The following OSBPL10 variants were observed in gnomAD, a reference collection of about 807,000 sequenced individuals.
The protein encoded by OSBPL10 is oxysterol-binding protein-related protein 10.
OSBPL10 carries 49 observed loss-of-function variants against 81.7 expected under a neutral mutation model. The ratio of observed to expected loss-of-function variants is 0.60; its 90% CI spans 0.48 to 0.76. The LOEUF is 0.76. Ranked by LOEUF, OSBPL10 falls within the 30% of genes least tolerant of loss-of-function variation. The pLI, the probability that OSBPL10 is intolerant of heterozygous loss-of-function variation, is 0.00. For missense variants in OSBPL10, 923 were observed against 987.8 expected (o/e 0.93, Z 0.88); for synonymous variants, 419 against 383.6 (o/e 1.09, Z -1.08).
At chr3:31,950,043 G>C (rs951497992) in intron 1 of OSBPL10, among the ~76,000 whole-genome samples, 1 of 152,154 alleles carries the variant, frequency 6.6e-6, no homozygotes, top group Admixed American at 6.5e-5. Context: ...TTAGCTTCCA[G>C]GGTATCCGAA....
intron 2 of OSBPL10, chr3:31,989,297 A>C: frequency 6.2e-7 from 1 of 1,614,208 alleles, no homozygotes; most frequent in South Asian, 1.1e-5. Context: ...ATGATGAAGA[A>C]GTTCTCATCA....
chr3:32,069,936 A>G (rs1388968564), intron 1 of OSBPL10, among the ~76,000 whole-genome samples: 2 of 152,172 alleles, frequency 1.3e-5, no homozygotes, highest in African/African-American at 4.8e-5. Flanking sequence ...TTCCTAAGAC[A>G]TGCCCTGTCT....
At chr3:32,016,906 C>A (rs1189482029) in intron 2 of OSBPL10, among the ~76,000 whole-genome samples, 1 of 152,164 alleles carries the variant, frequency 6.6e-6, no homozygotes, top group African/African-American at 2.4e-5. Flanking sequence ...TATGTAAAGA[C>A]CTGGCACCCA....
At chr3:32,003,458 T>C (rs1314426360) in intron 2 of OSBPL10, among the ~76,000 whole-genome samples, 1 of 152,178 alleles carries the variant, frequency 6.6e-6, no homozygotes, top group African/African-American at 2.4e-5. Flanking sequence ...CCATCCTGTT[T>C]CCTGAGGACA....
At chr3:32,072,473 G>A (rs970883470) in intron 1 of OSBPL10, among the ~76,000 whole-genome samples, 1 of 152,080 alleles carries the variant, frequency 6.6e-6, no homozygotes, top group African/African-American at 2.4e-5. Context: ...AATTGTTCTT[G>A]GACCAAGGAA....
intron 5 of OSBPL10, among the ~76,000 whole-genome samples, chr3:31,740,865 A>ATATATATATATATG (rs1002507933): frequency 6.6e-6 from 1 of 150,414 alleles, no homozygotes; most frequent in Non-Finnish European, 1.5e-5. Flanking sequence ...ATTTATATAT[A>ATATATATATATATG]TATGTCATAT....
chr3:31,669,685 T>G (rs1007535944), intron 9 of OSBPL10, among the ~76,000 whole-genome samples: 10 of 152,290 alleles, frequency 6.6e-5, no homozygotes, highest in African/African-American at 2.2e-4. Flanking sequence ...GAAAGCAGAC[T>G]CCCAGCTCCC....
intron 4 of OSBPL10, among the ~76,000 whole-genome samples, chr3:31,783,398 G>A (rs149463131): frequency 1.3e-3 from 192 of 151,936 alleles, no homozygotes; most frequent in African/African-American, 4.3e-3. Context: ...TACACATTGG[G>A]TACAGTGTGC....
At chr3:31,916,553 C>A (rs1176850229) in intron 1 of OSBPL10, among the ~76,000 whole-genome samples, 2 of 152,152 alleles carry the variant, frequency 1.3e-5, no homozygotes, top group East Asian at 3.9e-4. Context: ...GACTCTTAGT[C>A]TTTTATCACC....
chr3:31,864,649 AG>A (rs1254031838), intron 3 of OSBPL10, among the ~76,000 whole-genome samples: 2 of 152,084 alleles, frequency 1.3e-5, no homozygotes, highest in African/African-American at 4.8e-5. Context: ...GGAAGCATGG[AG>A]GTGTGCAGGG....
intron 8 of OSBPL10, among the ~76,000 whole-genome samples, chr3:31,683,011 C>CA (rs1038311214): frequency 1.8e-4 from 28 of 151,650 alleles, no homozygotes; most frequent in Middle Eastern, 6.8e-3. Flanking sequence ...ATTTGTGACT[C>CA]AAAAAAAAGT....
chr3:31,905,749 G>A (rs967314505), intron 1 of OSBPL10, among the ~76,000 whole-genome samples: 2 of 151,548 alleles, frequency 1.3e-5, no homozygotes, highest in African/African-American at 2.4e-5. Context: ...CATTGACTAT[G>A]ATATTATTCA....
intron 1 of OSBPL10, among the ~76,000 whole-genome samples, chr3:31,894,572 T>C (rs1366186155): frequency 6.6e-6 from 1 of 152,224 alleles, no homozygotes; most frequent in African/African-American, 2.4e-5. Context: ...TTGTTGTTGA[T>C]GCAGCAAGCC....
intron 2 of OSBPL10, among the ~76,000 whole-genome samples, chr3:32,017,613 T>C (rs7652853): frequency 0.03 from 4,575 of 152,264 alleles, 244 homozygotes; most frequent in African/African-American, 0.11. Context: ...CTGTGCTTAG[T>C]AGACTGCACA....
intron 1 of OSBPL10, among the ~76,000 whole-genome samples, chr3:31,902,308 G>A (rs1696270457): frequency 6.9e-6 from 1 of 145,502 alleles, no homozygotes; most frequent in Non-Finnish European, 1.5e-5. Context: ...TGTCGCCCAG[G>A]CTGAAGCGCA....
At chr3:31,870,443 C>A in intron 3 of OSBPL10, among the ~76,000 whole-genome samples, 1 of 152,236 alleles carries the variant, frequency 6.6e-6, no homozygotes, top group Non-Finnish European at 1.5e-5. Context: ...CCGACGAGCG[C>A]CGCCCCCTAC....
At chr3:31,825,399 G>T (rs376685580) in intron 4 of OSBPL10, among the ~76,000 whole-genome samples, 4 of 152,048 alleles carry the variant, frequency 2.6e-5, no homozygotes, top group African/African-American at 9.7e-5. Flanking sequence ...GTTGCTCATT[G>T]CAACTTCAAA....
intron 1 of OSBPL10, among the ~76,000 whole-genome samples, chr3:31,921,808 A>G (rs2125707156): frequency 6.6e-6 from 1 of 152,312 alleles, no homozygotes; most frequent in South Asian, 2.1e-4. Flanking sequence ...CAGGGGAAAA[A>G]CCTGAAATAT....
In OSBPL10 at chr3:31,702,286, G is replaced by A. The variant is rs549393905; in HGVS notation, c.1245+73C>T. Reference sequence around the variant, plus strand: ...AATCTCACCACAACGAAAAGAATGTGCATAGAGAAGGCTTGAGGATAGAGA... The same window carrying A: ...AATCTCACCACAACGAAAAGAATGTACATAGAGAAGGCTTGAGGATAGAGA... On this transcript the variant is annotated intron_variant, in intron 7 of 11. Transcript: ENST00000396556. 183 of 1,526,256 alleles carry A rather than the reference G, an allele frequency of 1.2e-4. 1 individual carries two copies. In the South Asian group the frequency reaches 2.0e-3, roughly 16 times the overall value. 94.5% of individuals were successfully genotyped at this position (1,526,256 alleles called of 1,614,324 possible).
Sources: gnomAD v4.1 joint callset for allele counts (sites outside exome capture counted in the v4.1 genomes callset) on GRCh38, gnomAD v4.1.1 for gene constraint, MANE v1.5 for transcripts, NCBI Gene and HGNC (gene_info 2026-07-23, HGNC 2026-07-21) for gene names.